SPINK9: variants seen among roughly 807,000 people sequenced by gnomAD.
SPINK9 encodes the protein serine protease inhibitor Kazal-type 9.
SPINK9 carries 3 observed loss-of-function variants against 10.8 expected under a neutral mutation model. The ratio of observed to expected loss-of-function variants is 0.28; its 90% CI spans 0.13 to 0.72. The LOEUF (loss-of-function observed/expected upper bound fraction) is 0.72, where lower values mean the gene tolerates loss of function less well. Among genes scored for constraint, SPINK9 ranks in the 30% least tolerant of loss-of-function variants. The pLI, the probability that SPINK9 is intolerant of heterozygous loss-of-function variation, is 0.74. For synonymous variants in SPINK9, 30 were observed against 31.2 expected, an observed-to-expected ratio of 0.96 and a Z score of 0.12; for missense variants, 101 against 103.2, an observed-to-expected ratio of 0.98 and a Z score of 0.09.
intron 2 of SPINK9, among the ~76,000 whole-genome samples, chr5:148,326,643 T>A (rs1026060897): frequency 1.3e-5 from 2 of 152,116 alleles, no homozygotes; most frequent in Non-Finnish European, 2.9e-5. Context: ...TAGGTATATC[T>A]CCTAATGCTA....
At chr5:148,339,306 G>C (rs1004998649) in intron 3 of SPINK9, among the ~76,000 whole-genome samples, 1 of 151,780 alleles carries the variant, frequency 6.6e-6, no homozygotes, top group East Asian at 1.9e-4. Context: ...AAATATAGAT[G>C]AATTAGATGA....
intron 2 of SPINK9, among the ~76,000 whole-genome samples, chr5:148,325,179 G>A (rs1247857719): frequency 6.6e-6 from 1 of 151,960 alleles, no homozygotes; most frequent in Non-Finnish European, 1.5e-5. Context: ...TTCATAAATT[G>A]ATGGATAGTT....
At chr5:148,338,971 A>G (rs1428376653) in intron 3 of SPINK9, among the ~76,000 whole-genome samples, 1 of 152,132 alleles carries the variant, frequency 6.6e-6, no homozygotes, top group African/African-American at 2.4e-5. Context: ...TAAGCATCCC[A>G]TCCACATCTG....
At chr5:148,326,462 T>G (rs985069061) in intron 2 of SPINK9, among the ~76,000 whole-genome samples, 11 of 152,188 alleles carry the variant, frequency 7.2e-5, no homozygotes, top group African/African-American at 2.4e-4. Context: ...GCAGCATTAT[T>G]CACAATAGCC....
In SPINK9 at chr5:148,336,497, T is replaced by C. The variant is rs768274307; in HGVS notation, c.87+44T>C. On this transcript the variant is annotated intron_variant, in intron 2 of 3. Coordinates refer to ENST00000377906, the MANE Select transcript of SPINK9 (RefSeq NM_001040433.2). Reference sequence around the variant, plus strand: ...CTTTTATGTAATTTTAAAGTCAATATCAGTAAGGAAATATTTGATACTACA... The same window carrying C: ...CTTTTATGTAATTTTAAAGTCAATACCAGTAAGGAAATATTTGATACTACA... 6 of 1,575,214 alleles carry C rather than the reference T, an allele frequency of 3.8e-6. No homozygotes were observed. In the Admixed American group the frequency reaches 6.7e-5, roughly 18 times the overall value.
intron 3 of SPINK9, 151 bp downstream of exon 3, chr5:148,338,756 C>G (rs1757250789): frequency 1.9e-6 from 1 of 519,202 alleles, no homozygotes; most frequent in Admixed American, 4.0e-5. Context: ...ATTTGGGAGT[C>G]CCTGATATCA....
At chr5:148,334,113 T>C (rs1757185186), upstream of SPINK9, among the ~76,000 whole-genome samples, 2 of 151,840 alleles carry the variant, frequency 1.3e-5, no homozygotes, top group African/African-American at 4.8e-5. Context: ...GAAAACTTAA[T>C]AGAAGACATT....
intron 1 of SPINK9, among the ~76,000 whole-genome samples, chr5:148,321,708 G>C (rs543474605): frequency 2.9e-4 from 44 of 152,186 alleles, no homozygotes; most frequent in Non-Finnish European, 5.0e-4. Flanking sequence ...CATATGACCT[G>C]TATGAGCAAA....
rs772959433 is a variant in SPINK9, at chr5:148,335,652, A to T, written c.39A>T (p.Thr13=). ...ATAIVLLLAL[T]LATMFSIECA... ...CCATAGTCCTACTCTTGGCTCTGAC[A>T]CTTGCAACCATGTTCAGTGAGTATC... The change falls in exon 1 of 4, where the codon ACA becomes ACT. Residue 13 remains threonine (T), a synonymous_variant. Transcript: ENST00000377906. 3 of 1,613,662 alleles carry T rather than the reference A, an allele frequency of 1.9e-6. No homozygotes were observed. The highest frequency in any genetic ancestry group is 1.7e-6 in the Non-Finnish European group (2 of 1,179,836).
chr5:148,331,642 A>T (rs1757153012), upstream of SPINK9, among the ~76,000 whole-genome samples: 1 of 152,230 alleles, frequency 6.6e-6, no homozygotes, highest in African/African-American at 2.4e-5. Context: ...TCTCCAAAAA[A>T]ATGATAAGTA....
At chr5:148,327,684 A>G (rs1757083954) in intron 2 of SPINK9, among the ~76,000 whole-genome samples, 1 of 151,326 alleles carries the variant, frequency 6.6e-6, no homozygotes, top group Admixed American at 6.6e-5. Flanking sequence ...ATTTTTGTAT[A>G]AGGTGTAAGG....
chr5:148,328,502 C>T (rs2113414258), intron 2 of SPINK9, among the ~76,000 whole-genome samples: 1 of 152,266 alleles, frequency 6.6e-6, no homozygotes, highest in East Asian at 1.9e-4. Context: ...ATTTCCTTAT[C>T]CTGCCTGATT....
upstream of SPINK9, chr5:148,335,479 G>C (rs950939407): frequency 4.3e-6 from 3 of 705,610 alleles, no homozygotes; most frequent in East Asian, 7.8e-5. Flanking sequence ...TTCTGGAGTT[G>C]TACTACTTAG....
intron 2 of SPINK9, among the ~76,000 whole-genome samples, chr5:148,328,000 G>A (rs1267933403): frequency 6.6e-6 from 1 of 150,986 alleles, no homozygotes; most frequent in South Asian, 2.1e-4. Context: ...CTCTTTTTTG[G>A]TTCCATATGA....
At position 148,335,684 on chromosome 5, in the gene SPINK9, A is replaced by G. The variant is rs1387964011; in HGVS notation, c.55+16A>G. 9 of 1,612,234 alleles carry G rather than the reference A, an allele frequency of 5.6e-6. No individual in the cohort carries two copies. The highest frequency in any genetic ancestry group is 1.7e-5 in the Admixed American group (1 of 59,978). On this transcript the variant is annotated intron_variant, in intron 1 of 3. Coordinates refer to ENST00000377906, the MANE Select transcript of SPINK9 (RefSeq NM_001040433.2). ...ACCATGTTCAGTGAGTATCTCTGATAATACTGCCCCTGCCCTTGTACTAAT... is the reference window on the plus strand; with the variant it reads ...ACCATGTTCAGTGAGTATCTCTGATGATACTGCCCCTGCCCTTGTACTAAT...
rs527677293 is a variant in SPINK9, at chr5:148,322,448, A to C, written c.-73+1048A>C. Among the ~76,000 whole-genome samples, 1,000 of 152,318 alleles carry C rather than the reference A, an allele frequency of 6.6e-3. 7 individuals carry two copies. Among genetic ancestry groups the C allele is most frequent in the Non-Finnish European group, 0.01 (684 of 68,028 alleles). On this transcript the variant is annotated intron_variant, in intron 1 of 4. Transcript: ENST00000511717. ...CAGGAATGGAAGAGAGCCAGTCAAC[A>C]GCCTCATTTTATGGATGGAAACACT...
upstream of SPINK9, among the ~76,000 whole-genome samples, chr5:148,335,050 C>T (rs542851896): frequency 4.3e-4 from 65 of 152,250 alleles, no homozygotes; most frequent in South Asian, 3.7e-3. Flanking sequence ...ATGTGAAATT[C>T]AGCCTTAGAT....
At chr5:148,336,864 G>A (rs1436329187) in intron 2 of SPINK9, among the ~76,000 whole-genome samples, 1 of 152,102 alleles carries the variant, frequency 6.6e-6, no homozygotes, top group Non-Finnish European at 1.5e-5. Context: ...AGAAAATAAG[G>A]ACTTTAATTT....
At chr5:148,329,782 C>T (rs1480671079) in intron 2 of SPINK9, among the ~76,000 whole-genome samples, 5 of 152,136 alleles carry the variant, frequency 3.3e-5, no homozygotes, top group African/African-American at 1.2e-4. Context: ...CATTCAGGAG[C>T]AGGTTGTTCA....
Sources: allele counts gnomAD v4.1 joint callset (sites outside exome capture counted in the v4.1 genomes callset), GRCh38; gene constraint gnomAD v4.1.1; transcripts MANE v1.5; gene names NCBI Gene and HGNC (gene_info 2026-07-23, HGNC 2026-07-21).